Variants in EHBP1 observed in about 807,000 individuals in gnomAD.
The protein encoded by EHBP1 is EH domain binding protein 1.
EHBP1 carries 55 observed loss-of-function variants against 144.0 expected under a neutral mutation model. The observed-to-expected ratio is 0.38, with a 90% confidence interval of 0.31 to 0.48. The LOEUF (loss-of-function observed/expected upper bound fraction) is 0.48, where lower values mean the gene tolerates loss of function less well. EHBP1 is among the 20% of genes least tolerant of loss of function. The probability of loss-of-function intolerance (pLI) is 0.98; values close to 1 mark genes in which losing one functional copy is unlikely to be tolerated. For missense variants in EHBP1, 1,200 were observed against 1,364.2 expected (o/e 0.88, Z 1.90); for synonymous variants, 469 against 472.7 (o/e 0.99, Z 0.10).
chr2:62,685,376 G>A (rs1273685412), intron 1 of EHBP1, among the ~76,000 whole-genome samples: 1 of 152,124 alleles, frequency 6.6e-6, no homozygotes, highest in African/African-American at 2.4e-5. Context: ...TTCCTTCTGA[G>A]GGTTATGAGG....
At chr2:62,871,485 C>G (rs1244532174) in intron 9 of EHBP1, among the ~76,000 whole-genome samples, 1 of 152,188 alleles carries the variant, frequency 6.6e-6, no homozygotes, top group African/African-American at 2.4e-5. Context: ...AAAGATTGCG[C>G]ATAAGCTAAT....
intron 2 of EHBP1, among the ~76,000 whole-genome samples, chr2:62,731,362 A>AGG (rs1398685338): frequency 6.6e-6 from 1 of 152,144 alleles, no homozygotes; most frequent in East Asian, 1.9e-4. Flanking sequence ...GCAAACAAAT[A>AGG]CAGTTTTATT....
rs143084378 is a variant in EHBP1 at position 62,868,172 on chromosome 2, C to T, written c.998+3201C>T. Reference sequence around the variant, plus strand: ...GGCGGATCACTTTAGGTCAGGAGTTCAAGACCAGCGTGGCCAACATGGTGA... The same window carrying T: ...GGCGGATCACTTTAGGTCAGGAGTTTAAGACCAGCGTGGCCAACATGGTGA... On this transcript the variant is annotated intron_variant, in intron 9 of 22. Transcript: ENST00000431489. 2.1e-3 allele frequency among the ~76,000 whole-genome samples: 327 copies of T among 152,122 alleles called. 7 individuals carry two copies. In the East Asian group the frequency reaches 0.051, roughly 24 times the overall value.
intron 5 of EHBP1, among the ~76,000 whole-genome samples, chr2:62,773,850 C>CAAAAAAAAAAAAAAAAAAAA (rs570715468): frequency 2.2e-4 from 9 of 41,552 alleles, no homozygotes; most frequent in South Asian, 1.5e-3. Context: ...GACTCCATCT[C>CAAAAAAAAAAAAAAAAAAAA]AAAAAAAAAA....
chr2:62,824,367 T>G (rs915025050), intron 5 of EHBP1, among the ~76,000 whole-genome samples: 1 of 152,008 alleles, frequency 6.6e-6, no homozygotes, highest in Non-Finnish European at 1.5e-5. Context: ...CTATATTATA[T>G]GTAGAAATTG....
intron 19 of EHBP1, among the ~76,000 whole-genome samples, chr2:62,998,585 A>G (rs2059730848): frequency 6.6e-6 from 1 of 152,100 alleles, no homozygotes; most frequent in African/African-American, 2.4e-5. Context: ...CCTCTTTAGC[A>G]CTTGGAGCCT....
At chr2:62,772,337 A>G (rs928124032) in intron 5 of EHBP1, among the ~76,000 whole-genome samples, 7 of 152,206 alleles carry the variant, frequency 4.6e-5, no homozygotes, top group African/African-American at 1.4e-4. Context: ...TGGAATCCCA[A>G]GTGACTAGAA....
intron 7 of EHBP1, among the ~76,000 whole-genome samples, chr2:62,843,935 G>A (rs2048108644): frequency 6.6e-6 from 1 of 152,106 alleles, no homozygotes; most frequent in Non-Finnish European, 1.5e-5. Context: ...AATTGTTATT[G>A]ACACAGTTTT....
chr2:62,861,597 G>T (rs1279533906), intron 8 of EHBP1, among the ~76,000 whole-genome samples: 2 of 151,782 alleles, frequency 1.3e-5, no homozygotes, highest in East Asian at 3.9e-4. Context: ...ACAAAAGTTA[G>T]CCCAGTGTGG....
At chr2:62,872,307 A>G (rs1235613445) in intron 9 of EHBP1, among the ~76,000 whole-genome samples, 1 of 152,116 alleles carries the variant, frequency 6.6e-6, no homozygotes. Flanking sequence ...TTAGTGATAT[A>G]ACTAATTTAT....
chr2:63,031,668 C>T lies in EHBP1; in HGVS notation c.3104-5867C>T, dbSNP rs548288421. Among the ~76,000 whole-genome samples the T allele has an allele frequency of 2.0e-5, 3 of 152,288 alleles. No individual in the cohort carries two copies. In the South Asian group the frequency reaches 6.2e-4, roughly 32 times the overall value. On this transcript the variant is annotated intron_variant, in intron 19 of 22. Coordinates refer to ENST00000431489, the MANE Select transcript of EHBP1 (RefSeq NM_001142616.3). The stretch of plus-strand genomic sequence containing the variant: ...TATTGGCTGGGCACAGTGTCTCACA[C>T]CTGTAATCCCAGCACTTTGGAAGGC...
chr2:62,748,346 C>G (rs945661492), intron 3 of EHBP1, among the ~76,000 whole-genome samples: 2 of 151,920 alleles, frequency 1.3e-5, no homozygotes, highest in African/African-American at 4.8e-5. Flanking sequence ...AATAACAGTT[C>G]TACAGATATT....
At chr2:62,737,402 T>G (rs1298006250) in intron 2 of EHBP1, among the ~76,000 whole-genome samples, 2 of 152,022 alleles carry the variant, frequency 1.3e-5, no homozygotes, top group African/African-American at 4.8e-5. Flanking sequence ...CTCTCAGACT[T>G]GTCCATACTG....
chr2:62,863,262 G>A (rs2049738953), intron 8 of EHBP1, among the ~76,000 whole-genome samples: 1 of 150,996 alleles, frequency 6.6e-6, no homozygotes. Flanking sequence ...TCCAGCCTGG[G>A]CAACAGAGTG....
At chr2:62,945,995 CT>C (rs59030066) in intron 12 of EHBP1, among the ~76,000 whole-genome samples, 81,091 of 151,896 alleles carry the variant, frequency 0.53, 21,941 homozygotes, top group African/African-American at 0.61. Flanking sequence ...TGAAATGCTT[CT>C]TTTTCATTAA....
chr2:62,674,143 C>A, intron 1 of EHBP1: 1 of 470,950 alleles, frequency 2.1e-6, no homozygotes. Flanking sequence ...CCAAATATGT[C>A]TTTTCTTTGG....
chr2:62,753,879 T>G (rs2040000096), intron 3 of EHBP1, among the ~76,000 whole-genome samples: 1 of 152,234 alleles, frequency 6.6e-6, no homozygotes, highest in Non-Finnish European at 1.5e-5. Flanking sequence ...CTGGTTATTC[T>G]AGTTAGACAT....
intron 7 of EHBP1, among the ~76,000 whole-genome samples, chr2:62,843,803 A>G (rs1032602751): frequency 5.3e-5 from 8 of 152,232 alleles, no homozygotes; most frequent in Non-Finnish European, 1.2e-4. Flanking sequence ...TAGCTCAAGA[A>G]AACAAAATGG....
Position 62,874,342 on chromosome 2 carries a change from T to C in EHBP1, c.999-4T>C. ...CATCTAACAATAATTCTTCTTTCACTTAGATCAAATCCTTTTTATGAACCT... is the reference window on the plus strand; with the variant it reads ...CATCTAACAATAATTCTTCTTTCACCTAGATCAAATCCTTTTTATGAACCT... On this transcript the variant is annotated splice_region_variant and splice_polypyrimidine_tract_variant and intron_variant, in intron 9 of 22. Coordinates refer to ENST00000431489, the MANE Select transcript of EHBP1 (RefSeq NM_001142616.3). 1 of 1,561,594 alleles carries C rather than the reference T, an allele frequency of 6.4e-7. No homozygotes were observed. Among genetic ancestry groups the C allele is most frequent in the Non-Finnish European group, 8.7e-7 (1 of 1,151,824 alleles).
Sources: gnomAD v4.1 joint callset for allele counts (sites outside exome capture counted in the v4.1 genomes callset) on GRCh38, gnomAD v4.1.1 for gene constraint, MANE v1.5 for transcripts, NCBI Gene and HGNC (gene_info 2026-07-23, HGNC 2026-07-21) for gene names.